PTPDC1: variants seen among roughly 807,000 people sequenced by gnomAD.
PTPDC1 encodes the protein protein tyrosine phosphatase domain-containing protein 1.
In PTPDC1, 53 loss-of-function variants were observed where a neutral mutation model predicts 75.3. The observed-to-expected ratio is 0.70, with a 90% CI of 0.56 to 0.88. The LOEUF (loss-of-function observed/expected upper bound fraction) is 0.88. Ranked by LOEUF, PTPDC1 falls within the 40% of genes least tolerant of loss-of-function variation. PTPDC1 has a pLI of 0.00. For synonymous variants in PTPDC1, 349 were observed against 366.2 expected (o/e 0.95, Z 0.54); for missense variants, 925 against 998.6 (o/e 0.93, Z 0.99).
At chr9:94,064,736 T>A in exon 2 of PTPDC1, 1 of 1,610,656 alleles carries the variant, frequency 6.2e-7, no homozygotes, top group Non-Finnish European at 8.5e-7. Flanking sequence ...TCCAACAGAC[T>A]ACCATGGCTG....
intron 3 of PTPDC1, 42 bp downstream of exon 3, chr9:94,087,953 T>A (rs1827137269): frequency 1.3e-6 from 2 of 1,557,108 alleles, no homozygotes. Context: ...CAAACTCATG[T>A]GTTTTTTTCT....
At chr9:94,061,412 C>T (rs1024610407) in intron 1 of PTPDC1, among the ~76,000 whole-genome samples, 3 of 152,214 alleles carry the variant, frequency 2.0e-5, no homozygotes, top group Non-Finnish European at 4.4e-5. Context: ...AGACAGTGGC[C>T]TTCTTCTCAC....
At chr9:94,056,258 T>C (rs1825931497) in intron 1 of PTPDC1, among the ~76,000 whole-genome samples, 1 of 152,200 alleles carries the variant, frequency 6.6e-6, no homozygotes, top group African/African-American at 2.4e-5. Context: ...ATATTATTAA[T>C]GAGCATAAAA....
chr9:94,074,109 A>G (rs957571474), intron 2 of PTPDC1, among the ~76,000 whole-genome samples: 2 of 152,184 alleles, frequency 1.3e-5, no homozygotes, highest in African/African-American at 2.4e-5. Flanking sequence ...TTGGTATGAC[A>G]AGTGATTTTC....
chr9:94,088,408 C>A, intron 4 of PTPDC1, 145 bp downstream of exon 4: 1 of 936,378 alleles, frequency 1.1e-6, no homozygotes, highest in Non-Finnish European at 1.5e-6. Flanking sequence ...CTACCATTCT[C>A]TTTGGTATTG....
intron 2 of PTPDC1, among the ~76,000 whole-genome samples, chr9:94,066,785 T>C (rs552727175): frequency 6.6e-6 from 1 of 152,032 alleles, no homozygotes; most frequent in African/African-American, 2.4e-5. Context: ...TTTGAACTCC[T>C]GACCTCAAAT....
intron 1 of PTPDC1, among the ~76,000 whole-genome samples, chr9:94,063,294 A>C (rs1341762946): frequency 1.3e-5 from 2 of 152,372 alleles, no homozygotes; most frequent in East Asian, 3.9e-4. Flanking sequence ...TGTTTTAAGA[A>C]AATAGTCCAA....
intron 6 of PTPDC1, chr9:94,100,349 T>G (rs534542460): frequency 2.3e-4 from 35 of 152,322 alleles, no homozygotes; most frequent in African/African-American, 7.9e-4. Context: ...GCATTTTTGA[T>G]TAGTGTCAGT....
chr9:94,062,833 C>A (rs560858579), intron 1 of PTPDC1, among the ~76,000 whole-genome samples: 1 of 152,208 alleles, frequency 6.6e-6, no homozygotes, highest in East Asian at 1.9e-4. Flanking sequence ...GACATGTTTT[C>A]GGTAGGCTTT....
rs375164451 is a variant in PTPDC1 at position 94,094,131 on chromosome 9, C to T, written c.617-1186C>T. Among the ~76,000 whole-genome samples the T allele has an allele frequency of 8.8e-3, 1,339 of 152,320 alleles. 8 individuals carry two copies. The highest frequency in any genetic ancestry group is 0.013 in the Non-Finnish European group (859 of 68,040). On this transcript the variant is annotated intron_variant, in intron 4 of 8. Transcript: ENST00000620992. ...TTGTTCCGTTGCTGGTGAGGAACTG[C>T]GTTCCTTTGGAGGAGGAGAGGTGCT... is the stretch of plus-strand genomic sequence containing the variant.
intron 1 of PTPDC1, among the ~76,000 whole-genome samples, chr9:94,051,780 A>G (rs1461851983): frequency 6.6e-6 from 1 of 152,108 alleles, no homozygotes; most frequent in Non-Finnish European, 1.5e-5. Context: ...TTCCTTTATT[A>G]TCTTTTTGCT....
intron 7 of PTPDC1, 69 bp downstream of exon 7, chr9:94,101,820 ATCCATTAT>A: frequency 2.3e-6 from 2 of 881,602 alleles, no homozygotes; most frequent in Non-Finnish European, 3.4e-6. Flanking sequence ...GAAAAAAAAA[ATCCATTAT>A]AAAAAAAGAG....
At position 94,097,492 on chromosome 9, in the gene PTPDC1, A is replaced by G. The variant is rs200580460; in HGVS notation, c.926A>G (p.Asp309Gly). The G allele has an allele frequency of 7.4e-6, 12 of 1,614,128 alleles. No homozygotes were observed. The East Asian group carries it at 2.2e-4, about 30-fold the overall frequency. Reference sequence around the variant, plus strand: ...CTCCGCAATATATTCTCTTGCTGTGATCCCAAAGCACATGCTGTCACCTTA... The same window carrying G: ...CTCCGCAATATATTCTCTTGCTGTGGTCCCAAAGCACATGCTGTCACCTTA... ...TPLRNIFSCC[D>G]PKAHAVTLPQ... The change falls in exon 6 of 9, where the codon GAT becomes GGT. Residue 309 changes from aspartate (D) to glycine (G), a missense_variant. By Grantham distance (94) the Asp-to-Gly change is moderately conservative. Coordinates refer to ENST00000620992, the MANE Select transcript of PTPDC1 (RefSeq NM_001253829.2).
chr9:94,079,568 C>T (rs1826809856), upstream of PTPDC1, among the ~76,000 whole-genome samples: 1 of 152,226 alleles, frequency 6.6e-6, no homozygotes, highest in African/African-American at 2.4e-5. Flanking sequence ...AGTGTGACTA[C>T]AGTTCAGCTT....
At chr9:94,057,287 T>C (rs1169844747) in intron 1 of PTPDC1, among the ~76,000 whole-genome samples, 1 of 152,048 alleles carries the variant, frequency 6.6e-6, no homozygotes, top group Non-Finnish European at 1.5e-5. Flanking sequence ...TTTTGCCATC[T>C]TGCCCAAACT....
At chr9:94,093,145 T>C (rs1430739993) in intron 4 of PTPDC1, among the ~76,000 whole-genome samples, 2 of 152,262 alleles carry the variant, frequency 1.3e-5, no homozygotes, top group Admixed American at 1.3e-4. Context: ...AGCTGGTTAT[T>C]TTGCTCGTTA....
intron 6 of PTPDC1, among the ~76,000 whole-genome samples, chr9:94,099,303 G>A (rs1827749101): frequency 6.6e-6 from 1 of 152,150 alleles, no homozygotes; most frequent in Admixed American, 6.5e-5. Context: ...CTCGAGAAAA[G>A]ATAGGCCTTA....
chr9:94,031,116 G>C (rs1276941599), exon 1 of PTPDC1: 1 of 152,226 alleles, frequency 6.6e-6, no homozygotes, highest in Non-Finnish European at 1.5e-5. Flanking sequence ...TTGGAATCTC[G>C]AGCGGGAAAA....
At chr9:94,037,677 A>G (rs1340108360) in intron 1 of PTPDC1, among the ~76,000 whole-genome samples, 1 of 152,136 alleles carries the variant, frequency 6.6e-6, no homozygotes, top group Non-Finnish European at 1.5e-5. Flanking sequence ...CCAAACTGGA[A>G]CCCAGGAACA....
Sources: gnomAD v4.1 joint callset for allele counts (sites outside exome capture counted in the v4.1 genomes callset) on GRCh38, gnomAD v4.1.1 for gene constraint, MANE v1.5 for transcripts, NCBI Gene and HGNC (gene_info 2026-07-23, HGNC 2026-07-21) for gene names.